Variants in KCNIP1 observed in about 807,000 individuals in gnomAD.
The protein encoded by KCNIP1 is A-type potassium channel modulatory protein KCNIP1.
Under a neutral mutation model 33.0 loss-of-function variants are expected in KCNIP1, and 18 were observed. That is an observed-to-expected ratio of 0.55 (90% CI 0.38 to 0.81). KCNIP1 has a LOEUF of 0.81. Ranked by LOEUF, KCNIP1 falls within the 30% of genes least tolerant of loss-of-function variation. The probability of loss-of-function intolerance (pLI) is 0.00; values close to 1 mark genes in which losing one functional copy is unlikely to be tolerated. For synonymous variants in KCNIP1, 93 were observed against 98.3 expected (o/e 0.95, Z 0.32); for missense variants, 238 against 271.6 (o/e 0.88, Z 0.87).
At chr5:170,416,721 T>C (rs562279207) in intron 1 of KCNIP1, among the ~76,000 whole-genome samples, 9 of 150,658 alleles carry the variant, frequency 6.0e-5, no homozygotes, top group African/African-American at 1.9e-4. Context: ...AAAAAAAAAG[T>C]GCAGCTCACT....
At chr5:170,721,977 G>A (rs1763841329) in intron 4 of KCNIP1, 74 bp downstream of exon 4, 1 of 1,548,324 alleles carries the variant, frequency 6.5e-7, no homozygotes, top group Non-Finnish European at 8.9e-7. Context: ...TCAAGGCATT[G>A]GGGGAAGGTC....
At chr5:170,541,962 G>C (rs181086246) in intron 1 of KCNIP1, among the ~76,000 whole-genome samples, 2 of 152,274 alleles carry the variant, frequency 1.3e-5, no homozygotes, top group Admixed American at 6.5e-5. Context: ...TTCTCTTCCA[G>C]TTCTCCCATC....
At chr5:170,598,938 T>TGTGTG (rs1758581091) in intron 1 of KCNIP1, among the ~76,000 whole-genome samples, 1 of 150,208 alleles carries the variant, frequency 6.7e-6, no homozygotes, top group Non-Finnish European at 1.5e-5. Context: ...TGTGTGTGTG[T>TGTGTG]GTGTTTGGTG....
chr5:170,551,925 C>T (rs758454276), intron 1 of KCNIP1, among the ~76,000 whole-genome samples: 3 of 149,514 alleles, frequency 2.0e-5, no homozygotes, highest in Admixed American at 6.7e-5. Context: ...TATGAGTACA[C>T]GTATGAATGT....
At chr5:170,414,522 C>G (rs1424484583) in intron 1 of KCNIP1, among the ~76,000 whole-genome samples, 1 of 151,660 alleles carries the variant, frequency 6.6e-6, no homozygotes, top group African/African-American at 2.4e-5. Flanking sequence ...CATCACTTTC[C>G]TTTTTCTGTC....
Position 170,355,940 on chromosome 5 carries a change from C to T in KCNIP1, c.88+1976C>T, listed in dbSNP as rs78244797. On this transcript the variant is annotated intron_variant, in intron 1 of 7. Coordinates refer to the KCNIP1 transcript ENST00000377360. ...GCATCTGTCTTCTTTGCTTCAGCTCCGCAGAGAGGACCAAGTGTTTACACA... is the reference window on the plus strand; with the variant it reads ...GCATCTGTCTTCTTTGCTTCAGCTCTGCAGAGAGGACCAAGTGTTTACACA... Among the ~76,000 whole-genome samples, 925 of 152,334 alleles carry T rather than the reference C, an allele frequency of 6.1e-3. 5 individuals are homozygous for T. Among genetic ancestry groups the T allele is most frequent in the African/African-American group, 0.021 (890 of 41,574 alleles).
rs111808077 is a variant in KCNIP1 at position 170,424,098 on chromosome 5, C to T, written c.88+70134C>T. ...TTCATCGCCATCACTGCCGTCAAAG[C>T]AGCACTGGCTCTTTTTCTTCTGCTG... On this transcript the variant is annotated intron_variant, in intron 1 of 7. Transcript: ENST00000377360. Among the ~76,000 whole-genome samples the T allele has an allele frequency of 7.2e-3, 1,104 of 152,308 alleles. 12 individuals carry two copies. Among genetic ancestry groups the T allele is most frequent in the African/African-American group, 0.025 (1,049 of 41,564 alleles).
At chr5:170,490,946 A>G (rs1757192326) in intron 1 of KCNIP1, among the ~76,000 whole-genome samples, 1 of 152,188 alleles carries the variant, frequency 6.6e-6, no homozygotes, top group Admixed American at 6.5e-5. Context: ...TTTCACAATC[A>G]GTCTCCTTTT....
At chr5:170,699,645 A>G (rs1363145169) in intron 1 of KCNIP1, among the ~76,000 whole-genome samples, 8 of 152,086 alleles carry the variant, frequency 5.3e-5, no homozygotes, top group Admixed American at 5.2e-4. Context: ...TCAGTTCTGA[A>G]GCTGAGCCCA....
intron 1 of KCNIP1, among the ~76,000 whole-genome samples, chr5:170,694,582 T>C (rs1441942196): frequency 3.9e-5 from 6 of 152,192 alleles, no homozygotes; most frequent in African/African-American, 1.2e-4. Flanking sequence ...TGCCACTCAA[T>C]GACTAATAGC....
At chr5:170,517,929 A>T (rs1755208203) in intron 1 of KCNIP1, among the ~76,000 whole-genome samples, 1 of 147,710 alleles carries the variant, frequency 6.8e-6, no homozygotes, top group African/African-American at 2.6e-5. Context: ...TGATGGTGAT[A>T]ATGGTAATGA....
intron 1 of KCNIP1, among the ~76,000 whole-genome samples, chr5:170,707,584 T>C (rs756146328): frequency 9.2e-5 from 14 of 152,238 alleles, no homozygotes; most frequent in Non-Finnish European, 1.8e-4. Flanking sequence ...ATTTCCACCA[T>C]CGCCCTGCTC....
intron 1 of KCNIP1, among the ~76,000 whole-genome samples, chr5:170,457,182 CA>C (rs1756401482): frequency 6.6e-6 from 1 of 152,076 alleles, no homozygotes; most frequent in African/African-American, 2.4e-5. Flanking sequence ...AATTAAATTA[CA>C]AATGAAATGG....
chr5:170,526,346 GA>G (rs566633667), intron 1 of KCNIP1, among the ~76,000 whole-genome samples: 17 of 152,344 alleles, frequency 1.1e-4, no homozygotes, highest in South Asian at 8.3e-4. Context: ...TGTAGATGAA[GA>G]AAGGGAGGCT....
chr5:170,439,031 C>G (rs1755928805), intron 1 of KCNIP1, among the ~76,000 whole-genome samples: 1 of 152,162 alleles, frequency 6.6e-6, no homozygotes. Flanking sequence ...AATATTCCCT[C>G]TCTATCAACT....
intron 1 of KCNIP1, among the ~76,000 whole-genome samples, chr5:170,411,310 A>T (rs1182497585): frequency 2.0e-5 from 3 of 152,244 alleles, no homozygotes; most frequent in Non-Finnish European, 1.5e-5. Flanking sequence ...AGGTTCAAAG[A>T]TATGAGGGGA....
intron 1 of KCNIP1, among the ~76,000 whole-genome samples, chr5:170,457,644 G>T (rs1029629178): frequency 6.6e-6 from 1 of 152,194 alleles, no homozygotes; most frequent in Non-Finnish European, 1.5e-5. Context: ...GGAAAAGGGG[G>T]AGAGTAATAC....
chr5:170,664,926 G>A (rs542500365), intron 1 of KCNIP1, among the ~76,000 whole-genome samples: 5 of 152,038 alleles, frequency 3.3e-5, no homozygotes, highest in East Asian at 1.9e-4. Flanking sequence ...GTTGACTCCC[G>A]AACTAACTGA....
intron 1 of KCNIP1, among the ~76,000 whole-genome samples, chr5:170,436,644 C>T (rs1341654276): frequency 6.6e-6 from 1 of 152,210 alleles, no homozygotes; most frequent in African/African-American, 2.4e-5. Context: ...TGCATGCATG[C>T]ATGTGTACTT....
Sources: gnomAD v4.1 joint callset for allele counts (sites outside exome capture counted in the v4.1 genomes callset) on GRCh38, gnomAD v4.1.1 for gene constraint, MANE v1.5 for transcripts, NCBI Gene and HGNC (gene_info 2026-07-23, HGNC 2026-07-21) for gene names.